PRKN: variants seen among roughly 807,000 people sequenced by gnomAD.
The protein encoded by PRKN is E3 ubiquitin-protein ligase parkin.
A neutral mutation model predicts 59.5 loss-of-function variants in PRKN; 56 were observed. That is an observed-to-expected ratio of 0.94 (90% confidence interval 0.76 to 1.18). The LOEUF is 1.18. Ranked by LOEUF, PRKN falls within the 50% of genes most tolerant of loss-of-function variation. PRKN has a pLI of 0.00. For synonymous variants in PRKN, 250 were observed against 222.1 expected (o/e 1.13, Z -1.12); for missense variants, 657 against 596.4 (o/e 1.10, Z -1.06).
chr6:162,493,372 C>T (rs1273944065), intron 1 of PRKN, among the ~76,000 whole-genome samples: 1 of 152,116 alleles, frequency 6.6e-6, no homozygotes, highest in East Asian at 1.9e-4. Context: ...CTTGAAAGAA[C>T]TTTTCAGATG....
intron 2 of PRKN, among the ~76,000 whole-genome samples, chr6:162,279,015 A>G (rs1316131641): frequency 6.6e-6 from 1 of 152,152 alleles, no homozygotes; most frequent in Non-Finnish European, 1.5e-5. Context: ...CTCAGTCACT[A>G]AATGGAAAGT....
intron 6 of PRKN, among the ~76,000 whole-genome samples, chr6:161,860,158 T>G (rs908512068): frequency 6.6e-6 from 1 of 152,182 alleles, no homozygotes; most frequent in African/African-American, 2.4e-5. Flanking sequence ...TTAAAAAAAG[T>G]ACTAAGTGGA....
chr6:161,626,960 C>A (rs987619894), intron 7 of PRKN, among the ~76,000 whole-genome samples: 1 of 151,894 alleles, frequency 6.6e-6, no homozygotes, highest in African/African-American at 2.4e-5. Context: ...AGATCAGTTT[C>A]TTTACATCCC....
intron 4 of PRKN, among the ~76,000 whole-genome samples, chr6:162,145,411 G>A (rs1781978523): frequency 6.6e-6 from 1 of 152,138 alleles, no homozygotes. Context: ...TCATTATTTT[G>A]TGCTAAGCAT....
intron 2 of PRKN, among the ~76,000 whole-genome samples, chr6:162,377,845 T>G (rs1456889894): frequency 1.3e-5 from 2 of 152,218 alleles, no homozygotes; most frequent in Non-Finnish European, 2.9e-5. Flanking sequence ...TTTTGGTTAT[T>G]AATACTCCAA....
intron 4 of PRKN, among the ~76,000 whole-genome samples, chr6:162,098,979 C>T (rs978604667): frequency 1.3e-5 from 2 of 152,196 alleles, no homozygotes; most frequent in East Asian, 3.8e-4. Flanking sequence ...GACATTTTCA[C>T]ACACAGAAGC....
intron 9 of PRKN, among the ~76,000 whole-genome samples, chr6:161,512,300 CT>C (rs533209573): frequency 2.8e-4 from 29 of 105,008 alleles, no homozygotes; most frequent in South Asian, 9.8e-4. Flanking sequence ...TGACCCCCCC[CT>C]GAAAATCAAA....
At chr6:162,506,077 G>T (rs1023347949) in intron 1 of PRKN, among the ~76,000 whole-genome samples, 1 of 152,002 alleles carries the variant, frequency 6.6e-6, no homozygotes, top group Admixed American at 6.6e-5. Context: ...TGAAGAAAAG[G>T]GGCAGCCAAA....
intron 7 of PRKN, among the ~76,000 whole-genome samples, chr6:161,664,813 G>A (rs1784668376): frequency 7.0e-6 from 1 of 142,546 alleles, no homozygotes; most frequent in Non-Finnish European, 1.5e-5. Context: ...TTTTGAGACA[G>A]AGTCTTGCTC....
At position 161,699,035 on chromosome 6, in the gene PRKN, C is replaced by T. The variant is rs541201200; in HGVS notation, c.871+86737G>A. Among the ~76,000 whole-genome samples the T allele has an allele frequency of 1.9e-4, 29 of 152,166 alleles. No individual in the cohort carries two copies. The South Asian group carries it at 6.0e-3, about 32-fold the overall frequency. On this transcript the variant is annotated intron_variant, in intron 7 of 11. Coordinates refer to ENST00000366898, the MANE Select transcript of PRKN (RefSeq NM_004562.3). Reference sequence around the variant, plus strand: ...TAGAGTATAGAAATCACTCTAAAAACTCAATAATAAAAGTGTAATTAAGTA... The same window carrying T: ...TAGAGTATAGAAATCACTCTAAAAATTCAATAATAAAAGTGTAATTAAGTA...
intron 5 of PRKN, among the ~76,000 whole-genome samples, chr6:162,010,024 G>A (rs945762981): frequency 2.6e-5 from 4 of 151,220 alleles, no homozygotes; most frequent in Non-Finnish European, 4.4e-5. Context: ...CTTCACCTAC[G>A]CTTGGAGTTA....
intron 7 of PRKN, among the ~76,000 whole-genome samples, chr6:161,647,266 T>C (rs1471879677): frequency 6.6e-6 from 1 of 152,194 alleles, no homozygotes; most frequent in African/African-American, 2.4e-5. Context: ...CTGAACAGTA[T>C]GCAGAACATA....
chr6:162,128,035 T>C (rs1464307551), intron 4 of PRKN, among the ~76,000 whole-genome samples: 12 of 152,192 alleles, frequency 7.9e-5, no homozygotes, highest in Admixed American at 7.9e-4. Flanking sequence ...TCAGTGAGAC[T>C]TCTTATTGCC....
At chr6:161,623,367 T>TA (rs1782976001) in intron 7 of PRKN, among the ~76,000 whole-genome samples, 1 of 152,150 alleles carries the variant, frequency 6.6e-6, no homozygotes, top group African/African-American at 2.4e-5. Context: ...GCATAAATAA[T>TA]AGATACAAAA....
chr6:161,921,015 T>C (rs1165643145), intron 6 of PRKN, among the ~76,000 whole-genome samples: 1 of 152,140 alleles, frequency 6.6e-6, no homozygotes, highest in Non-Finnish European at 1.5e-5. Flanking sequence ...CTTTCTGACT[T>C]TATACACTTC....
At chr6:161,580,109 T>G (rs746057678) in intron 7 of PRKN, among the ~76,000 whole-genome samples, 1 of 152,242 alleles carries the variant, frequency 6.6e-6, no homozygotes, top group Non-Finnish European at 1.5e-5. Flanking sequence ...TAATAGCTTC[T>G]ATGATGCGGG....
intron 4 of PRKN, among the ~76,000 whole-genome samples, chr6:162,063,595 A>T (rs1016457284): frequency 2.1e-5 from 3 of 144,620 alleles, no homozygotes; most frequent in Non-Finnish European, 4.6e-5. Context: ...CTCAGGCTGG[A>T]GTGCAGTGGT....
intron 7 of PRKN, among the ~76,000 whole-genome samples, chr6:161,750,142 C>CACACACATATAT (rs765990689): frequency 1.5e-3 from 208 of 137,020 alleles, no homozygotes; most frequent in African/African-American, 5.2e-3. Flanking sequence ...CACACACACA[C>CACACACATATAT]ATATATAAAT....
At chr6:162,148,951 T>C (rs1443349305) in intron 4 of PRKN, among the ~76,000 whole-genome samples, 1 of 152,208 alleles carries the variant, frequency 6.6e-6, no homozygotes, top group Admixed American at 6.5e-5. Context: ...GTTGCTCATA[T>C]GTGTGGCCAG....
Sources: gnomAD v4.1 joint callset for allele counts (sites outside exome capture counted in the v4.1 genomes callset) on GRCh38, gnomAD v4.1.1 for gene constraint, MANE v1.5 for transcripts, NCBI Gene and HGNC (gene_info 2026-07-23, HGNC 2026-07-21) for gene names.